DIP2C: variants seen among roughly 807,000 people sequenced by gnomAD.
DIP2C encodes the protein disco-interacting protein 2 homolog C.
Under a neutral mutation model 192.4 loss-of-function variants are expected in DIP2C, and 33 were observed. That is an observed-to-expected ratio of 0.17 (90% CI 0.13 to 0.23). The LOEUF is 0.23. Among genes scored for constraint, DIP2C ranks in the 10% least tolerant of loss-of-function variants. The pLI is 1.00. For missense variants in DIP2C, 1,537 were observed against 2,110.1 expected, an observed-to-expected ratio of 0.73 and a Z score of 5.32; for synonymous variants, 979 against 864.1, an observed-to-expected ratio of 1.13 and a Z score of -2.33.
intron 1 of DIP2C, among the ~76,000 whole-genome samples, chr10:562,110 A>G (rs1425604929): frequency 6.6e-6 from 1 of 152,190 alleles, no homozygotes; most frequent in Admixed American, 6.5e-5. Flanking sequence ...TGCTACTCCA[A>G]AGGCTTTTTG....
At chr10:588,649 C>T (rs1428482951) in intron 1 of DIP2C, among the ~76,000 whole-genome samples, 1 of 152,218 alleles carries the variant, frequency 6.6e-6, no homozygotes, top group East Asian at 1.9e-4. Context: ...TGCTCCAGGG[C>T]CAAGAGGGGC....
At chr10:431,637 A>G (rs1464513762) in intron 4 of DIP2C, among the ~76,000 whole-genome samples, 1 of 152,212 alleles carries the variant, frequency 6.6e-6, no homozygotes, top group African/African-American at 2.4e-5. Flanking sequence ...CAACTTTTGT[A>G]TATTAAACTC....
intron 31 of DIP2C, among the ~76,000 whole-genome samples, chr10:313,951 G>C (rs1490856296): frequency 6.6e-6 from 1 of 152,176 alleles, no homozygotes; most frequent in African/African-American, 2.4e-5. Flanking sequence ...CCTGGTACTT[G>C]CACATAGGGC....
Position 524,669 on chromosome 10 carries a change from A to G in DIP2C, c.86-38139T>C, listed in dbSNP as rs184834706. ...CTAAGTATTAGCGTTTTATTTTAAAAACAAAGAATGCATTGCACTCTCGCA... is the reference window on the plus strand; with the variant it reads ...CTAAGTATTAGCGTTTTATTTTAAAGACAAAGAATGCATTGCACTCTCGCA... On this transcript the variant is annotated intron_variant, in intron 1 of 36. Transcript: ENST00000280886. Among the ~76,000 whole-genome samples the G allele has an allele frequency of 1.4e-3, 214 of 152,314 alleles. 1 individual carries two copies. Among genetic ancestry groups the G allele is most frequent in the African/African-American group, 4.7e-3 (194 of 41,558 alleles).
At chr10:660,345 C>A (rs931149850) in intron 1 of DIP2C, among the ~76,000 whole-genome samples, 2 of 122,298 alleles carry the variant, frequency 1.6e-5, no homozygotes, top group Non-Finnish European at 3.4e-5. Context: ...AAACAGAGAT[C>A]CTAGCCCTTG....
chr10:612,318 C>A (rs781160029), intron 1 of DIP2C, among the ~76,000 whole-genome samples: 1 of 152,034 alleles, frequency 6.6e-6, no homozygotes, highest in African/African-American at 2.4e-5. Context: ...CCAATACACC[C>A]ACTTAATTCT....
At chr10:464,448 C>A (rs1042462662) in intron 3 of DIP2C, among the ~76,000 whole-genome samples, 1 of 151,218 alleles carries the variant, frequency 6.6e-6, no homozygotes, top group Non-Finnish European at 1.5e-5. Flanking sequence ...CAATGAGATA[C>A]CATTCCACGC....
intron 1 of DIP2C, among the ~76,000 whole-genome samples, chr10:620,784 A>C (rs1280700306): frequency 2.0e-5 from 3 of 152,208 alleles, no homozygotes; most frequent in Non-Finnish European, 4.4e-5. Context: ...AGTTATCCCC[A>C]ACCCTGCTTT....
At chr10:329,398 T>C (rs556256166) in intron 30 of DIP2C, 35 bp downstream of exon 30, 67 of 1,587,306 alleles carry the variant, frequency 4.2e-5, no homozygotes, top group Non-Finnish European at 5.1e-5. Context: ...CCCTGTGGGC[T>C]CACAGGGCAC....
chr10:607,594 A>C (rs1326105466), intron 1 of DIP2C, among the ~76,000 whole-genome samples: 1 of 152,218 alleles, frequency 6.6e-6, no homozygotes, highest in African/African-American at 2.4e-5. Flanking sequence ...CCTAAATAGA[A>C]AGTGCATTTG....
chr10:382,722 T>C lies in DIP2C; in HGVS notation c.1916A>G (p.Gln639Arg). Residue 639 changes from glutamine (Q) to arginine (R), a missense_variant, in exon 17 of 37, where the codon CAA becomes CGA. Gln to Arg is a conservative substitution (Grantham distance 43, BLOSUM62 1). Coordinates refer to ENST00000280886, the MANE Select transcript of DIP2C (RefSeq NM_014974.3). The stretch of plus-strand genomic sequence containing the variant: ...GACCTCCTGTCGAAGGCCTTTACTT[T>C]GGAAGACATTGAGAAATGCATCGCA... ...SSCDAFLNVF[Q>R]SKGLRQEVIC... 1.2e-6 allele frequency: 2 copies of C among 1,613,716 alleles called. No homozygotes were observed. Among genetic ancestry groups the C allele is most frequent in the Non-Finnish European group, 1.7e-6 (2 of 1,179,882 alleles).
rs182539798 is a variant in DIP2C, at chr10:484,001, G to A, written c.157+2458C>T. ...CTAATTTTTTCTTTTGTAGAGACGG[G>A]GACTCCCTTTGTTGCCCAGGCTGGT... is the stretch of plus-strand genomic sequence containing the variant. On this transcript the variant is annotated intron_variant, in intron 2 of 36. Coordinates refer to ENST00000280886, the MANE Select transcript of DIP2C (RefSeq NM_014974.3). Among the ~76,000 whole-genome samples, 230 of 152,048 alleles carry A rather than the reference G, an allele frequency of 1.5e-3. 1 individual carries two copies. Among genetic ancestry groups the A allele is most frequent in the African/African-American group, 5.0e-3 (208 of 41,462 alleles).
chr10:621,024 C>T (rs1391271045), intron 1 of DIP2C, among the ~76,000 whole-genome samples: 2 of 152,192 alleles, frequency 1.3e-5, no homozygotes, highest in African/African-American at 2.4e-5. Context: ...CTGGTTCTGA[C>T]GTTTGGTCCT....
intron 1 of DIP2C, among the ~76,000 whole-genome samples, chr10:488,988 G>A (rs1271787799): frequency 3.3e-5 from 5 of 152,182 alleles, no homozygotes; most frequent in South Asian, 2.1e-4. Flanking sequence ...CAGACGCGGG[G>A]TGATCATTTA....
At chr10:497,702 C>T (rs1239992059) in intron 1 of DIP2C, among the ~76,000 whole-genome samples, 12 of 152,132 alleles carry the variant, frequency 7.9e-5, no homozygotes, top group Admixed American at 7.9e-4. Context: ...TGCAGAGAAG[C>T]GTCCGGTAAT....
At chr10:288,207 A>ACACTGTTATTTTGAGTTTCTATACT (rs1955255046) in intron 33 of DIP2C, among the ~76,000 whole-genome samples, 157 bp downstream of exon 33, 1 of 152,208 alleles carries the variant, frequency 6.6e-6, no homozygotes, top group Admixed American at 6.5e-5. Flanking sequence ...CTTGTTTAAA[A>ACACTGTTATTTTGAGTTTCTATACT]CACTGTTATT....
intron 3 of DIP2C, among the ~76,000 whole-genome samples, chr10:452,025 G>A (rs1056494212): frequency 3.3e-5 from 5 of 152,034 alleles, no homozygotes; most frequent in Non-Finnish European, 7.4e-5. Context: ...CACCCAGCTC[G>A]GGGCGACTCC....
At chr10:327,228 G>A in intron 30 of DIP2C, 52 bp from the exon 31 acceptor site, 1 of 1,571,608 alleles carries the variant, frequency 6.4e-7, no homozygotes, top group South Asian at 1.2e-5. Flanking sequence ...CGAGCTTGGA[G>A]TGAGCCAGAG....
Position 344,866 on chromosome 10 carries a change from G to A in DIP2C, c.3396C>T (p.Asp1132=). ...CGCTGAAGTCGAGATATGCAAGAGT[G>A]TCTGGGTTGCAAGGTTTGCAGATCT... ...PAQICKPCNP[D]TLAYLDFSVS... is the part of the protein sequence containing the mutation. The change falls in exon 28 of 37, where the codon GAC becomes GAT. Residue 1132 remains aspartate, a synonymous_variant. Coordinates refer to ENST00000280886, the MANE Select transcript of DIP2C (RefSeq NM_014974.3). 1 of 1,607,266 alleles carries A rather than the reference G, an allele frequency of 6.2e-7. No individual in the cohort carries two copies. The highest frequency in any genetic ancestry group is 2.2e-5 in the East Asian group (1 of 44,748).
Sources: gnomAD v4.1 joint callset for allele counts (sites outside exome capture counted in the v4.1 genomes callset) on GRCh38, gnomAD v4.1.1 for gene constraint, MANE v1.5 for transcripts, NCBI Gene and HGNC (gene_info 2026-07-23, HGNC 2026-07-21) for gene names.